The following SNX6 variants were observed in gnomAD, a reference collection of about 807,000 sequenced individuals.
The protein encoded by SNX6 is sorting nexin 6.
SNX6 carries 34 observed loss-of-function variants against 63.0 expected under a neutral mutation model. The ratio of observed to expected loss-of-function variants is 0.54; its 90% CI spans 0.41 to 0.72. SNX6 has a LOEUF of 0.72. Ranked by LOEUF, SNX6 falls within the 30% of genes least tolerant of loss-of-function variation. The pLI is 0.00. For missense variants in SNX6, 398 were observed against 471.4 expected (o/e 0.84, Z 1.44); for synonymous variants, 170 against 164.2 (o/e 1.04, Z -0.27).
At chr14:34,604,108 C>T (rs568207385) in intron 5 of SNX6, 113 of 1,192,108 alleles carry the variant, frequency 9.5e-5, no homozygotes, top group Non-Finnish European at 1.0e-4. Flanking sequence ...GCTTCAACTA[C>T]GTGCAAGAAG....
At chr14:34,614,086 GAC>G (rs956095836) in intron 2 of SNX6, among the ~76,000 whole-genome samples, 1 of 151,734 alleles carries the variant, frequency 6.6e-6, no homozygotes, top group Non-Finnish European at 1.5e-5. Context: ...CAGCCTGGAA[GAC>G]AGAGCGAGAC....
At chr14:34,612,285 C>T (rs1045114643) in intron 2 of SNX6, among the ~76,000 whole-genome samples, 22 of 151,988 alleles carry the variant, frequency 1.4e-4, no homozygotes, top group African/African-American at 5.3e-4. Flanking sequence ...AACAATGGCT[C>T]CCCAGGAGGT....
At chr14:34,611,587 T>C (rs1386003718) in intron 2 of SNX6, among the ~76,000 whole-genome samples, 2 of 149,882 alleles carry the variant, frequency 1.3e-5, no homozygotes, top group African/African-American at 4.9e-5. Context: ...ATTGAGACCA[T>C]ACTGGTCAAC....
chr14:34,574,397 T>C (rs1396021895), intron 11 of SNX6, among the ~76,000 whole-genome samples: 1 of 147,932 alleles, frequency 6.8e-6, no homozygotes, highest in Non-Finnish European at 1.5e-5. Flanking sequence ...GCCTGTTAAT[T>C]CCAGCACTTT....
At chr14:34,565,296 CT>C (rs1215561156) in intron 13 of SNX6, among the ~76,000 whole-genome samples, 3 of 151,914 alleles carry the variant, frequency 2.0e-5, no homozygotes, top group Admixed American at 6.6e-5. Context: ...CCAGGATGGT[CT>C]CGATCTCCTG....
At chr14:34,617,390 A>T (rs1883455773) in intron 2 of SNX6, among the ~76,000 whole-genome samples, 1 of 152,122 alleles carries the variant, frequency 6.6e-6, no homozygotes, top group Non-Finnish European at 1.5e-5. Context: ...CTATAATACC[A>T]GTACGTTGGG....
intron 2 of SNX6, among the ~76,000 whole-genome samples, chr14:34,618,883 T>C (rs1314524208): frequency 1.3e-5 from 2 of 152,216 alleles, no homozygotes; most frequent in East Asian, 3.8e-4. Flanking sequence ...TTCTTCATAA[T>C]GCCTATTCAA....
At chr14:34,586,091 C>T (rs958513076) in intron 9 of SNX6, 139 bp downstream of exon 9, 4 of 392,446 alleles carry the variant, frequency 1.0e-5, no homozygotes, top group East Asian at 4.6e-5. Context: ...TTAGTAGAGA[C>T]GGGGTTTCAC....
At chr14:34,579,010 T>C (rs980750510) in intron 10 of SNX6, among the ~76,000 whole-genome samples, 3 of 133,398 alleles carry the variant, frequency 2.2e-5, no homozygotes, top group African/African-American at 8.1e-5. Context: ...TGACAAAAAT[T>C]ATAAAGGTAA....
In SNX6 at chr14:34,567,687, T is replaced by C; in HGVS notation, c.1166A>G (p.Lys389Arg). The change falls in exon 13 of 14, where the codon AAG becomes AGG. Residue 389 changes from lysine (K) to arginine (R), a missense_variant and splice_region_variant. Transcript: ENST00000362031. ...ELAELELKHAKGNLQLLQNCL... is the reference protein window; with the variant it reads ...ELAELELKHARGNLQLLQNCL... ...ATTAAATCTTTATTACAACACTACCTTTGCATGCTTCAGTTCTAACTCTGC... is the reference window on the plus strand; with the variant it reads ...ATTAAATCTTTATTACAACACTACCCTTGCATGCTTCAGTTCTAACTCTGC... 1.2e-6 allele frequency: 2 copies of C among 1,609,876 alleles called. No individual in the cohort carries two copies. The highest frequency in any genetic ancestry group is 1.7e-6 in the Non-Finnish European group (2 of 1,176,378).
intron 9 of SNX6, among the ~76,000 whole-genome samples, chr14:34,584,296 A>T (rs943144571): frequency 3.9e-5 from 6 of 152,098 alleles, no homozygotes; most frequent in Non-Finnish European, 7.4e-5. Flanking sequence ...CTGCTTAAAA[A>T]TATGTTTAAT....
At chr14:34,600,725 A>C (rs185034257) in intron 6 of SNX6, among the ~76,000 whole-genome samples, 1 of 152,264 alleles carries the variant, frequency 6.6e-6, no homozygotes, top group Admixed American at 6.5e-5. Flanking sequence ...CAGCACTATG[A>C]ACGAAGAAAT....
chr14:34,577,693 C>T (rs1359781460), intron 10 of SNX6, among the ~76,000 whole-genome samples: 1 of 152,008 alleles, frequency 6.6e-6, no homozygotes, highest in Non-Finnish European at 1.5e-5. Flanking sequence ...TTGTTTGTAT[C>T]CTGACTCAAA....
chr14:34,591,607 T>C (rs1391165309), intron 8 of SNX6, among the ~76,000 whole-genome samples: 2 of 151,586 alleles, frequency 1.3e-5, no homozygotes, highest in Non-Finnish European at 1.5e-5. Flanking sequence ...AAAAAAAAAA[T>C]TGCAAGTGCA....
intron 2 of SNX6, among the ~76,000 whole-genome samples, chr14:34,616,965 C>T (rs1039628068): frequency 6.6e-6 from 1 of 151,888 alleles, no homozygotes; most frequent in Non-Finnish European, 1.5e-5. Context: ...GCCTGTAATC[C>T]CAGCTACTCA....
At chr14:34,629,588 T>A in intron 2 of SNX6, 1 of 619,578 alleles carries the variant, frequency 1.6e-6, no homozygotes, top group South Asian at 1.5e-5. Context: ...CGAGGGAGGG[T>A]GGGGGCGTTC....
rs749121417 is a variant in SNX6, at chr14:34,604,138, C to T, written c.393-667G>A. ...AAGAAGGATAAGTTTTACATACCAG[C>T]AAACCAGCAGGACCAATGATGGGAG... On this transcript the variant is annotated intron_variant, in intron 5 of 13. Transcript: ENST00000362031. The T allele has an allele frequency of 4.7e-6, 6 of 1,270,114 alleles. No homozygotes were observed. In the South Asian group the frequency reaches 7.7e-5, roughly 16 times the overall value. 78.7% of individuals were successfully genotyped at this position (1,270,114 alleles called of 1,614,324 possible).
At chr14:34,581,720 T>C (rs1343737620) in intron 9 of SNX6, 120 bp from the exon 10 acceptor site, 2 of 533,640 alleles carry the variant, frequency 3.7e-6, no homozygotes, top group Non-Finnish European at 6.9e-6. Flanking sequence ...TTATATTCAA[T>C]AGCCTTATTA....
intron 8 of SNX6, among the ~76,000 whole-genome samples, chr14:34,587,798 ATTTT>A (rs1168575667): frequency 9.3e-6 from 1 of 107,060 alleles, no homozygotes; most frequent in Non-Finnish European, 1.9e-5. Flanking sequence ...CGGTTGGCTA[ATTTT>A]TTTTTTTTTT....
Sources: allele counts gnomAD v4.1 joint callset (sites outside exome capture counted in the v4.1 genomes callset), GRCh38; gene constraint gnomAD v4.1.1; transcripts MANE v1.5; gene names NCBI Gene and HGNC (gene_info 2026-07-23, HGNC 2026-07-21).